CYP17A1: variants seen among roughly 807,000 people sequenced by gnomAD.
CYP17A1 encodes steroid 17-alpha-hydroxylase/17,20 lyase.
Under a neutral mutation model 38.5 loss-of-function variants are expected in CYP17A1, and 27 were observed. That is an observed-to-expected ratio of 0.70 (90% CI 0.52 to 0.97). CYP17A1 has a LOEUF of 0.97. Ranked by LOEUF, CYP17A1 falls within the 50% of genes least tolerant of loss-of-function variation. The pLI is 0.00. For synonymous variants in CYP17A1, 263 were observed against 253.3 expected (o/e 1.04, Z -0.36); for missense variants, 549 against 645.9 (o/e 0.85, Z 1.63).
chr10:102,833,461 T>TC (rs1208638091), intron 4 of CYP17A1: 11 of 480,764 alleles, frequency 2.3e-5, no homozygotes, highest in Non-Finnish European at 3.5e-5. Flanking sequence ...TGAGTCAGTT[T>TC]TTTTTTTTTT....
intron 7 of CYP17A1, 51 bp downstream of exon 7, chr10:102,831,457 C>A (rs764802690): frequency 1.2e-6 from 2 of 1,608,114 alleles, no homozygotes; most frequent in South Asian, 2.2e-5. Flanking sequence ...GGTGGTGGAG[C>A]AGAGTCCAGG....
intron 1 of CYP17A1, 162 bp from the exon 2 acceptor site, chr10:102,835,554 A>T: frequency 4.2e-6 from 3 of 720,518 alleles, no homozygotes; most frequent in Non-Finnish European, 7.6e-6. Context: ...GACTGCAAGG[A>T]CTTGGTAGGA....
chr10:102,831,735 T>G, intron 6 of CYP17A1, 124 bp from the exon 7 acceptor site: 2 of 1,511,648 alleles, frequency 1.3e-6, no homozygotes, highest in South Asian at 2.4e-5. Flanking sequence ...TCCCACTCAC[T>G]CATGTTTTCC....
At position 102,832,538 on chromosome 10, in the gene CYP17A1, A is replaced by G. The variant is rs766043032; in HGVS notation, c.1112T>C (p.Ile371Thr). ...GGAGTCAACGTTGGCCTTGTGGGGG[A>G]TGAGCATAGGGGCCACGGGCCTGAG... ...LRLRPVAPML[I>T]PHKANVDSSI... The change falls in exon 6 of 8, where the codon ATC becomes ACC. Residue 371 changes from isoleucine to threonine, a missense_variant. Physicochemically the swap from Ile to Thr is moderately conservative, Grantham distance 89. Coordinates refer to ENST00000369887, the MANE Select transcript of CYP17A1 (RefSeq NM_000102.4). 18 of 1,611,286 alleles carry G rather than the reference A, an allele frequency of 1.1e-5. No individual in the cohort carries two copies. In the South Asian group the frequency reaches 1.8e-4, roughly 16 times the overall value.
At chr10:102,836,886 C>A in intron 1 of CYP17A1, 179 bp downstream of exon 1, 2 of 646,936 alleles carry the variant, frequency 3.1e-6, no homozygotes, top group South Asian at 1.7e-5. Context: ...ATTCTTCCTG[C>A]CTAATTTAGA....
At chr10:102,833,447 T>A in intron 4 of CYP17A1, 1 of 593,130 alleles carries the variant, frequency 1.7e-6, no homozygotes, top group Non-Finnish European at 2.8e-6. Context: ...CGATCCCAAC[T>A]CCTTGAGTCA....
intron 1 of CYP17A1, 22 bp from the exon 2 acceptor site, chr10:102,835,414 G>A (rs1001521465): frequency 6.2e-7 from 1 of 1,603,432 alleles, no homozygotes; most frequent in Non-Finnish European, 8.5e-7. Context: ...AGGCAAGGCT[G>A]TAGGAATCTC....
chr10:102,831,664 T>A (rs1470575867), intron 6 of CYP17A1, 53 bp from the exon 7 acceptor site: 2 of 1,605,956 alleles, frequency 1.2e-6, no homozygotes, highest in Non-Finnish European at 1.7e-6. Flanking sequence ...ACTCCCTTCC[T>A]TGCTCAGCCT....
chr10:102,834,335 T>C, intron 3 of CYP17A1: 1 of 590,084 alleles, frequency 1.7e-6, no homozygotes, highest in East Asian at 2.9e-5. Context: ...GGGCGTGGTC[T>C]CCACCTCTCC....
At position 102,831,696 on chromosome 10, in the gene CYP17A1, C is replaced by T. The variant is rs1844092108; in HGVS notation, c.1140-85G>A. The T allele has an allele frequency of 2.0e-5, 32 of 1,581,900 alleles. 1 individual carries two copies. The South Asian group carries it at 2.3e-4, about 11-fold the overall frequency. ...GCCTCATGCCCCCTCATTCTTCCGC[C>T]GTGAGGAAAATGCCCTTTACTCCCT... On this transcript the variant is annotated intron_variant, in intron 6 of 7. Coordinates refer to ENST00000369887, the MANE Select transcript of CYP17A1 (RefSeq NM_000102.4).
Position 102,834,061 on chromosome 10 carries a change from A to G in CYP17A1, c.728T>C (p.Leu243Pro). Residue 243 changes from leucine (L) to proline (P), a missense_variant, in exon 4 of 8, where the codon CTG (leucine) becomes CCG (proline). Physicochemically the swap from Leu to Pro is moderately conservative, Grantham distance 98. Coordinates refer to ENST00000369887, the MANE Select transcript of CYP17A1 (RefSeq NM_000102.4). ...KSHVKIRNDLLNKILENYKEK... is the reference protein window; with the variant it reads ...KSHVKIRNDLPNKILENYKEK... ...CTTGTAATTTTCAAGTATTTTATTC[A>G]GCAGATCATTTCGTATTTTAACATG... 8.0e-7 allele frequency: 1 copy of G among 1,255,640 alleles called. No individual in the cohort carries two copies. The highest frequency in any genetic ancestry group is 1.2e-6 in the Non-Finnish European group (1 of 852,132). 77.8% of individuals were successfully genotyped at this position (1,255,640 alleles called of 1,614,324 possible).
At chr10:102,832,939 G>A in intron 5 of CYP17A1, 54 bp downstream of exon 5, 1 of 1,603,208 alleles carries the variant, frequency 6.2e-7, no homozygotes, top group Non-Finnish European at 8.5e-7. Flanking sequence ...CCCTTTCTCT[G>A]GAGCCCAGAG....
At chr10:102,833,771 T>C (rs1220952305) in intron 4 of CYP17A1, 6 of 387,060 alleles carry the variant, frequency 1.6e-5, no homozygotes, top group Non-Finnish European at 2.9e-5. Context: ...TTTGTATTTT[T>C]AGTACAGACG....
Position 102,834,792 on chromosome 10 carries a change from C to T in CYP17A1, c.659G>A (p.Trp220Ter). The change falls in exon 3 of 8, where the codon TGG becomes TAG. Residue 220 changes from tryptophan to a stop codon, truncating the protein, a stop_gained. Coordinates refer to ENST00000369887, the MANE Select transcript of CYP17A1 (RefSeq NM_000102.4). LOFTEE classifies it high-confidence loss of function. ...GGGCTGGCAGCATCTCACCTTCAAC[C>T]AGGGGACTAGGTCCACCAGGCTGTC... ...SKDSLVDLVP[W>*]LKIFPNKTLE... is the part of the protein sequence containing the mutation. The T allele has an allele frequency of 6.2e-7, 1 of 1,614,154 alleles. No individual in the cohort carries two copies. Among genetic ancestry groups the T allele is most frequent in the Non-Finnish European group, 8.5e-7 (1 of 1,180,038 alleles).
rs1384922825 is a variant in CYP17A1, at chr10:102,833,008, C to A, written c.954G>T (p.Leu318=). 5 of 1,614,044 alleles carry A rather than the reference C, an allele frequency of 3.1e-6. No individual in the cohort carries two copies. The highest frequency in any genetic ancestry group is 4.2e-6 in the Non-Finnish European group (5 of 1,180,026). ...GGAAGCACACCTGAGGATTGTGCAGCAGGAAGGCCAGGGTCCATTTAACCA... is the reference window on the plus strand; with the variant it reads ...GGAAGCACACCTGAGGATTGTGCAGAAGGAAGGCCAGGGTCCATTTAACCA... ...TSVVKWTLAF[L]LHNPQVKKKL... Residue 318 remains leucine (L), a synonymous_variant, in exon 5 of 8, where the codon CTG becomes CTT. Coordinates refer to ENST00000369887, the MANE Select transcript of CYP17A1 (RefSeq NM_000102.4).
Position 102,830,932 on chromosome 10 carries a change from A to G in CYP17A1, c.1297T>C (p.Leu433=). The change falls in exon 8 of 8, where the codon TTG becomes CTG. Residue 433 remains leucine, a synonymous_variant. Coordinates refer to ENST00000369887, the MANE Select transcript of CYP17A1 (RefSeq NM_000102.4). The surrounding 1 kb of genome is among the most constrained non-coding windows in gnomAD (Gnocchi z 4.1). The stretch of plus-strand genomic sequence containing the variant: ...GAGCGAGGTCCTGCTCCGAAGGGCA[A>G]ATAGCTTACTGACGGTGAGATGAGC... ...TQLISPSVSY[L]PFGAGPRSCI... 1.3e-6 allele frequency: 2 copies of G among 1,576,966 alleles called. No individual in the cohort carries two copies. Among genetic ancestry groups the G allele is most frequent in the Non-Finnish European group, 1.7e-6 (2 of 1,158,096 alleles).
rs1258245723 is a variant in CYP17A1, at chr10:102,831,840, G to C, written c.1140-229C>G. The C allele has an allele frequency of 1.5e-5, 11 of 719,088 alleles. No individual in the cohort carries two copies. The Admixed American group carries it at 1.8e-4, about 12-fold the overall frequency. 44.5% of individuals were successfully genotyped at this position (719,088 alleles called of 1,614,324 possible). On this transcript the variant is annotated intron_variant, in intron 6 of 7. Transcript: ENST00000369887. ...CTGAACACCTGTGTCTGTGGACTTTGGTGTCTGGCAGTGTATGTGGGTGTG... is the reference window on the plus strand; with the variant it reads ...CTGAACACCTGTGTCTGTGGACTTTCGTGTCTGGCAGTGTATGTGGGTGTG...
At chr10:102,831,238 C>A (rs767417494) in intron 7 of CYP17A1, among the ~76,000 whole-genome samples, 1 of 152,110 alleles carries the variant, frequency 6.6e-6, no homozygotes, top group Non-Finnish European at 1.5e-5. Context: ...TAGCACCATC[C>A]GAGGGGAGAA....
rs1252337208 is a variant in CYP17A1, at chr10:102,837,083, G to A, written c.279C>T (p.Phe93=). 4 of 1,605,010 alleles carry A rather than the reference G, an allele frequency of 2.5e-6. No individual in the cohort carries two copies. Residue 93 remains phenylalanine, a synonymous_variant, in exon 1 of 8, where the codon TTC becomes TTT. Transcript: ENST00000369887. ...KEVLIKKGKD[F]SGRPQMATLD... ...CACTTACCATTTGAGGCCGCCCAGAGAAGTCCTTGCCCTTCTTAATAAGCA... is the reference window on the plus strand; with the variant it reads ...CACTTACCATTTGAGGCCGCCCAGAAAAGTCCTTGCCCTTCTTAATAAGCA...
Sources: allele counts gnomAD v4.1 joint callset (sites outside exome capture counted in the v4.1 genomes callset), GRCh38; gene constraint gnomAD v4.1.1; non-coding constraint Gnocchi (gnomAD v3.1); transcripts MANE v1.5; gene names NCBI Gene and HGNC (gene_info 2026-07-23, HGNC 2026-07-21).